The following TNNI3K variants were observed in gnomAD, a reference collection of about 807,000 sequenced individuals.
The protein encoded by TNNI3K is TNNI3 interacting kinase.
TNNI3K carries 140 observed loss-of-function variants against 114.5 expected under a neutral mutation model. That is an observed-to-expected ratio of 1.22 (90% CI 1.07 to 1.41). TNNI3K has a LOEUF of 1.41. Among genes scored for constraint, TNNI3K ranks in the 40% most tolerant of loss-of-function variants. The pLI, the probability that TNNI3K is intolerant of heterozygous loss-of-function variation, is 0.00. For synonymous variants in TNNI3K, 347 were observed against 347.5 expected, an observed-to-expected ratio of 1.00 and a Z score of 0.02; for missense variants, 1,125 against 1,007.6, an observed-to-expected ratio of 1.12 and a Z score of -1.58.
At position 74,354,175 on chromosome 1, in the gene TNNI3K, G is replaced by T. The variant is rs556639323; in HGVS notation, c.1177+46G>T. ...TCTCTATAGTGATACATTGAACTGTGTGCATAGATTATGTCAGTGCATCAA... is the reference window on the plus strand; with the variant it reads ...TCTCTATAGTGATACATTGAACTGTTTGCATAGATTATGTCAGTGCATCAA... On this transcript the variant is annotated intron_variant, in intron 11 of 24. Coordinates refer to ENST00000326637, the MANE Select transcript of TNNI3K (RefSeq NM_015978.3). The T allele has an allele frequency of 3.1e-6, 5 of 1,609,394 alleles. No homozygotes were observed. In the African/African-American group the frequency reaches 6.7e-5, roughly 22 times the overall value.
At chr1:74,325,745 T>G (rs1266463811) in intron 5 of TNNI3K, among the ~76,000 whole-genome samples, 1 of 151,964 alleles carries the variant, frequency 6.6e-6, no homozygotes, top group African/African-American at 2.4e-5. Flanking sequence ...GTCTACGAAG[T>G]TTAGGAGGAA....
At chr1:74,472,344 A>G (rs1667977832) in intron 21 of TNNI3K, 2 of 591,422 alleles carry the variant, frequency 3.4e-6, no homozygotes, top group Admixed American at 3.0e-5. Context: ...TTTGTAACCA[A>G]ACCTACAAAG....
chr1:74,505,781 A>G (rs1418966208), intron 23 of TNNI3K, among the ~76,000 whole-genome samples: 2 of 152,220 alleles, frequency 1.3e-5, no homozygotes, highest in Non-Finnish European at 2.9e-5. Context: ...CTGAAAAAAT[A>G]CTGGACCCAG....
intron 23 of TNNI3K, among the ~76,000 whole-genome samples, chr1:74,539,930 G>A (rs562902128): frequency 7.2e-5 from 11 of 152,012 alleles, no homozygotes; most frequent in Non-Finnish European, 1.5e-4. Context: ...AGCACAAACT[G>A]GAAATTATTT....
chr1:74,352,355 G>A (rs1349248389), intron 9 of TNNI3K, among the ~76,000 whole-genome samples: 2 of 152,154 alleles, frequency 1.3e-5, no homozygotes, highest in African/African-American at 2.4e-5. Flanking sequence ...GTACCCAGCC[G>A]TGTGAGGTGT....
chr1:74,316,888 A>G (rs1659341855), intron 5 of TNNI3K, among the ~76,000 whole-genome samples: 1 of 150,166 alleles, frequency 6.7e-6, no homozygotes, highest in African/African-American at 2.5e-5. Flanking sequence ...TTTAGTAGAG[A>G]CAGGGTTTCA....
At chr1:74,470,713 G>A in intron 21 of TNNI3K, 1 of 400,460 alleles carries the variant, frequency 2.5e-6, no homozygotes, top group Non-Finnish European at 4.4e-6. Context: ...TGTCATTAAT[G>A]TTTTTTCTTT....
intron 11 of TNNI3K, among the ~76,000 whole-genome samples, chr1:74,358,064 A>G (rs1204255732): frequency 6.6e-6 from 1 of 152,146 alleles, no homozygotes; most frequent in Non-Finnish European, 1.5e-5. Flanking sequence ...CACATAGCTC[A>G]ATAGTGTGTC....
rs553430800 is a variant in TNNI3K at position 74,544,066 on chromosome 1, T to C, written c.*84T>C. The C allele has an allele frequency of 2.3e-5, 34 of 1,468,254 alleles. No individual in the cohort carries two copies. The East Asian group carries it at 5.7e-4, about 25-fold the overall frequency. The allele number at this position is 1,468,254 out of a possible 1,614,324, so 91.0% of individuals were successfully genotyped here. A position where few individuals can be genotyped will look rare whatever the true frequency, so the allele number is the denominator to read the frequency against. On this transcript the variant is annotated 3_prime_UTR_variant, in exon 25 of 25. Coordinates refer to ENST00000326637, the MANE Select transcript of TNNI3K (RefSeq NM_015978.3). ...ACCACGGCAAGCTGGCTTCCAACTATAACATTTTACTCTCAAAGGTCTCCT... is the reference window on the plus strand; with the variant it reads ...ACCACGGCAAGCTGGCTTCCAACTACAACATTTTACTCTCAAAGGTCTCCT...
chr1:74,516,937 C>T (rs994696016), intron 23 of TNNI3K, among the ~76,000 whole-genome samples: 2 of 152,126 alleles, frequency 1.3e-5, no homozygotes, highest in Non-Finnish European at 2.9e-5. Context: ...TCTCCAGCAA[C>T]CTCTCTACAG....
At chr1:74,416,861 T>C (rs1436887824) in intron 17 of TNNI3K, among the ~76,000 whole-genome samples, 1 of 152,040 alleles carries the variant, frequency 6.6e-6, no homozygotes, top group African/African-American at 2.4e-5. Flanking sequence ...AAATATATCT[T>C]TGTGGAAGAC....
At chr1:74,372,082 T>C (rs1421887941) in intron 17 of TNNI3K, 2 of 86,660 alleles carry the variant, frequency 2.3e-5, no homozygotes, top group African/African-American at 7.8e-5. Context: ...GGTTACAAGA[T>C]AGTTTTTAAG....
chr1:74,540,176 A>G, intron 23 of TNNI3K, 58 bp from the exon 24 acceptor site: 8 of 1,574,364 alleles, frequency 5.1e-6, no homozygotes, highest in East Asian at 4.6e-5. Context: ...TTCTGTGTTT[A>G]TAAAAATGTT....
At chr1:74,451,382 CAT>C (rs1383118841) in intron 20 of TNNI3K, among the ~76,000 whole-genome samples, 1 of 152,108 alleles carries the variant, frequency 6.6e-6, no homozygotes, top group East Asian at 1.9e-4. Context: ...ACATCCTGCA[CAT>C]GTTTCCCGAG....
At chr1:74,483,169 T>G (rs1167072844) in intron 21 of TNNI3K, 2 of 666,814 alleles carry the variant, frequency 3.0e-6, no homozygotes, top group East Asian at 5.5e-5. Context: ...CCTCTTAAGC[T>G]GAGCCCAGAG....
At chr1:74,502,644 A>G (rs1002232826) in intron 23 of TNNI3K, among the ~76,000 whole-genome samples, 1 of 152,190 alleles carries the variant, frequency 6.6e-6, no homozygotes, top group Non-Finnish European at 1.5e-5. Context: ...TGCCAGATCT[A>G]GTGGAACATA....
At chr1:74,507,001 A>G (rs75266967) in intron 23 of TNNI3K, among the ~76,000 whole-genome samples, 1 of 152,182 alleles carries the variant, frequency 6.6e-6, no homozygotes, top group Non-Finnish European at 1.5e-5. Flanking sequence ...TATCTGTAAT[A>G]CCAATTGACA....
chr1:74,439,885 A>C (rs1287558517), intron 20 of TNNI3K, among the ~76,000 whole-genome samples: 1 of 152,082 alleles, frequency 6.6e-6, no homozygotes, highest in Non-Finnish European at 1.5e-5. Context: ...TTAATAAAAC[A>C]AGCAAATAAC....
At chr1:74,333,708 A>C (rs1027481858) in intron 6 of TNNI3K, among the ~76,000 whole-genome samples, 3 of 152,208 alleles carry the variant, frequency 2.0e-5, no homozygotes, top group Admixed American at 2.0e-4. Context: ...AAATGTACCT[A>C]ATGTGCCATG....
Sources: gnomAD v4.1 joint callset for allele counts (sites outside exome capture counted in the v4.1 genomes callset) on GRCh38, gnomAD v4.1.1 for gene constraint, MANE v1.5 for transcripts, NCBI Gene and HGNC (gene_info 2026-07-23, HGNC 2026-07-21) for gene names.